CTNNA2: variants seen among roughly 807,000 people sequenced by gnomAD.
CTNNA2 encodes catenin alpha-2.
Under a neutral mutation model 101.0 loss-of-function variants are expected in CTNNA2, and 42 were observed. That is an observed-to-expected ratio of 0.42 (90% confidence interval 0.32 to 0.54). The LOEUF (loss-of-function observed/expected upper bound fraction) is 0.54, where lower values mean the gene tolerates loss of function less well. Ranked by LOEUF, CTNNA2 falls within the 20% of genes least tolerant of loss-of-function variation. CTNNA2 has a pLI of 0.14. For synonymous variants in CTNNA2, 450 were observed against 456.4 expected, an observed-to-expected ratio of 0.99 and a Z score of 0.18; for missense variants, 871 against 1,223.1, an observed-to-expected ratio of 0.71 and a Z score of 4.29.
chr2:79,961,958 G>A (rs1041822214), intron 7 of CTNNA2, among the ~76,000 whole-genome samples: 1 of 152,068 alleles, frequency 6.6e-6, no homozygotes, highest in Non-Finnish European at 1.5e-5. Context: ...AGTCTCCAAA[G>A]GTATAATTTA....
At chr2:79,545,206 T>A (rs142467434) in intron 1 of CTNNA2, among the ~76,000 whole-genome samples, 1 of 152,280 alleles carries the variant, frequency 6.6e-6, no homozygotes, top group Non-Finnish European at 1.5e-5. Context: ...CATGTGATTA[T>A]TCAGAAAGTT....
At chr2:79,604,649 G>C (rs1558765410) in intron 1 of CTNNA2, among the ~76,000 whole-genome samples, 1 of 152,210 alleles carries the variant, frequency 6.6e-6, no homozygotes, top group Non-Finnish European at 1.5e-5. Flanking sequence ...TGAGGCTGGT[G>C]AAAGAGCCAC....
At chr2:80,609,197 CGTG>C (rs1558640918) in intron 17 of CTNNA2, among the ~76,000 whole-genome samples, 1 of 151,734 alleles carries the variant, frequency 6.6e-6, no homozygotes, top group Non-Finnish European at 1.5e-5. Flanking sequence ...ATATTATCAG[CGTG>C]GTGAATACCT....
chr2:80,596,332 C>T (rs532709810), intron 15 of CTNNA2, among the ~76,000 whole-genome samples: 746 of 47,290 alleles, frequency 0.016, 3 homozygotes, highest in Admixed American at 0.025. Flanking sequence ...TTTTTTGAGA[C>T]GGAGTCTCGC....
intron 7 of CTNNA2, among the ~76,000 whole-genome samples, chr2:80,092,579 G>A (rs1268890149): frequency 6.6e-6 from 1 of 152,070 alleles, no homozygotes; most frequent in Non-Finnish European, 1.5e-5. Context: ...TAAGAGCATT[G>A]CTTCATTTCA....
intron 3 of CTNNA2, among the ~76,000 whole-genome samples, chr2:79,844,181 A>C (rs900684182): frequency 1.3e-5 from 2 of 152,190 alleles, no homozygotes; most frequent in South Asian, 4.1e-4. Flanking sequence ...CTTTTCTTGG[A>C]AGCAGCCTGC....
chr2:80,589,063 C>T (rs757370365), intron 14 of CTNNA2, among the ~76,000 whole-genome samples: 15 of 152,060 alleles, frequency 9.9e-5, no homozygotes, highest in Non-Finnish European at 1.8e-4. Flanking sequence ...ATTGCCAGTG[C>T]GCACGTAGCT....
intron 7 of CTNNA2, among the ~76,000 whole-genome samples, chr2:80,054,445 G>A (rs1031513161): frequency 7.2e-5 from 11 of 152,174 alleles, no homozygotes; most frequent in African/African-American, 1.4e-4. Flanking sequence ...CAGCCATGCC[G>A]CAATTTGCCT....
chr2:79,674,166 T>C (rs905086587), intron 2 of CTNNA2, among the ~76,000 whole-genome samples: 4 of 152,160 alleles, frequency 2.6e-5, no homozygotes, highest in Non-Finnish European at 5.9e-5. Context: ...AATCACACTG[T>C]CAAATGGTAT....
rs115861106 is a variant in CTNNA2, at chr2:80,172,638, T to A, written c.1057-220573T>A. ...CTGGGTGGCTTAAACAATGGAAATG[T>A]ATTGTCTCATGGCTCTAGAGGCCAG... is the stretch of plus-strand genomic sequence containing the variant. On this transcript the variant is annotated intron_variant, in intron 7 of 18. Coordinates refer to ENST00000402739, the MANE Select transcript of CTNNA2 (RefSeq NM_001282597.3). Among the ~76,000 whole-genome samples the A allele has an allele frequency of 4.7e-3, 721 of 152,334 alleles. 6 individuals are homozygous for A. Among genetic ancestry groups the A allele is most frequent in the African/African-American group, 0.016 (683 of 41,578 alleles).
At chr2:79,781,955 A>C (rs1451935412) in intron 3 of CTNNA2, among the ~76,000 whole-genome samples, 2 of 116,316 alleles carry the variant, frequency 1.7e-5, no homozygotes, top group Non-Finnish European at 3.5e-5. Flanking sequence ...AATAATCTAA[A>C]AATAATCAGA....
At chr2:79,275,825 C>T (rs1180713356) in intron 2 of CTNNA2, among the ~76,000 whole-genome samples, 1 of 151,870 alleles carries the variant, frequency 6.6e-6, no homozygotes, top group East Asian at 1.9e-4. Context: ...AGATAAAAAT[C>T]CCTGCCCTCA....
rs760293098 is a variant in CTNNA2, at chr2:80,362,634, G to A, written c.1057-30577G>A. Among the ~76,000 whole-genome samples, 96 of 88,702 alleles carry A rather than the reference G, an allele frequency of 1.1e-3. 1 individual carries two copies. Among genetic ancestry groups the A allele is most frequent in the Middle Eastern group, 5.3e-3 (1 of 188 alleles). 58.2% of individuals were successfully genotyped at this position (88,702 alleles called of 152,430 possible). A position where few individuals can be genotyped will look rare whatever the true frequency, so the allele number is the denominator to read the frequency against. On this transcript the variant is annotated intron_variant, in intron 7 of 18. Coordinates refer to ENST00000402739, the MANE Select transcript of CTNNA2 (RefSeq NM_001282597.3). ...TCTAATATTTAAGTGGAAACTTAAC[G>A]TTTTTAAAAGAGTCTCTCTCTACAA... is the stretch of plus-strand genomic sequence containing the variant.
At chr2:80,044,739 G>A (rs1484141357) in intron 7 of CTNNA2, among the ~76,000 whole-genome samples, 1 of 152,030 alleles carries the variant, frequency 6.6e-6, no homozygotes, top group Non-Finnish European at 1.5e-5. Flanking sequence ...CATGCACTAT[G>A]TCTTGGTCAT....
chr2:79,244,271 G>A (rs1572996394), intron 2 of CTNNA2, among the ~76,000 whole-genome samples: 1 of 152,054 alleles, frequency 6.6e-6, no homozygotes, highest in African/African-American at 2.4e-5. Context: ...CACCTCTTCT[G>A]GTCTCTCTCC....
chr2:80,208,145 A>G (rs1259660537), intron 7 of CTNNA2, among the ~76,000 whole-genome samples: 1 of 152,156 alleles, frequency 6.6e-6, no homozygotes, highest in African/African-American at 2.4e-5. Flanking sequence ...GGCTTTATTT[A>G]CAGAAGGATT....
At chr2:79,562,937 T>A (rs1241966462) in intron 1 of CTNNA2, among the ~76,000 whole-genome samples, 1 of 151,878 alleles carries the variant, frequency 6.6e-6, no homozygotes, top group Non-Finnish European at 1.5e-5. Context: ...AGAATACTAA[T>A]GAAACTTATT....
At chr2:79,585,802 G>A (rs1676449107) in intron 1 of CTNNA2, among the ~76,000 whole-genome samples, 1 of 151,452 alleles carries the variant, frequency 6.6e-6, no homozygotes, top group Admixed American at 6.6e-5. Flanking sequence ...CTACATTGCA[G>A]GTCCCTTCAG....
At chr2:80,593,507 A>T (rs577507676) in intron 15 of CTNNA2, among the ~76,000 whole-genome samples, 1 of 152,234 alleles carries the variant, frequency 6.6e-6, no homozygotes, top group Non-Finnish European at 1.5e-5. Flanking sequence ...TATGGTATAC[A>T]TCATGAAGTT....
Sources: gnomAD v4.1 joint callset for allele counts (sites outside exome capture counted in the v4.1 genomes callset) on GRCh38, gnomAD v4.1.1 for gene constraint, MANE v1.5 for transcripts, NCBI Gene and HGNC (gene_info 2026-07-23, HGNC 2026-07-21) for gene names.